Variants in SIK3 observed in about 807,000 individuals in gnomAD.
SIK3 encodes the protein serine/threonine-protein kinase SIK3.
In SIK3, 28 loss-of-function variants were observed where a neutral mutation model predicts 144.2. The observed-to-expected ratio is 0.19, with a 90% CI of 0.14 to 0.27. The LOEUF is 0.27. SIK3 is among the 10% of genes least tolerant of loss of function. The pLI is 1.00. For missense variants in SIK3, 1,319 were observed against 1,776.0 expected (o/e 0.74, Z 4.62); for synonymous variants, 686 against 676.3 (o/e 1.01, Z -0.22).
intron 4 of SIK3, among the ~76,000 whole-genome samples, chr11:116,900,223 C>T (rs1286126008): frequency 6.6e-6 from 1 of 152,164 alleles, no homozygotes; most frequent in Admixed American, 6.5e-5. Context: ...ACCTGTGTTA[C>T]TAGAAACACT....
chr11:116,943,975 C>A (rs977154319), intron 3 of SIK3, among the ~76,000 whole-genome samples: 1 of 151,056 alleles, frequency 6.6e-6, no homozygotes, highest in Non-Finnish European at 1.5e-5. Flanking sequence ...ATCAAAAGAT[C>A]ATTTCAGAAT....
rs1394566313 is a variant in SIK3 at position 116,858,758 on chromosome 11, A to G, written c.2766-59T>C. 2.0e-6 allele frequency: 3 copies of G among 1,510,410 alleles called. No homozygotes were observed. The African/African-American group carries it at 4.2e-5, about 21-fold the overall frequency. 93.6% of individuals were successfully genotyped at this position (1,510,410 alleles called of 1,614,324 possible). A position where few individuals can be genotyped will look rare whatever the true frequency, so the allele number is the denominator to read the frequency against. ...GTAACAAGTACTAGACTTCCTGGGA[A>G]CAGCTCCTCCTCCTCAGTAGGGAGA... On this transcript the variant is annotated intron_variant, in intron 20 of 24. Transcript: ENST00000445177. This position sits in a 1 kb window ranked among gnomAD's most constrained non-coding sequence, Gnocchi z 5.4.
At chr11:117,044,430 T>C (rs2135873415) in intron 1 of SIK3, among the ~76,000 whole-genome samples, 1 of 152,284 alleles carries the variant, frequency 6.6e-6, no homozygotes, top group East Asian at 1.9e-4. Context: ...TAAATTTTAA[T>C]TATGATTCAT....
intron 1 of SIK3, among the ~76,000 whole-genome samples, chr11:117,034,028 A>T (rs1160240539): frequency 6.6e-6 from 1 of 152,236 alleles, no homozygotes; most frequent in African/African-American, 2.4e-5. Context: ...TTTATAAAAC[A>T]GATTTATAAT....
intron 1 of SIK3, among the ~76,000 whole-genome samples, chr11:116,972,436 C>G (rs187533367): frequency 9.4e-4 from 143 of 152,308 alleles, no homozygotes; most frequent in African/African-American, 3.4e-3. Flanking sequence ...AACATATCCC[C>G]GTATTTCACC....
At position 116,858,121 on chromosome 11, in the gene SIK3, G is replaced by A. The variant is rs1170349554; in HGVS notation, c.3344C>T (p.Ala1115Val). ...GGAAGCCTGTGAGACACATTCTTGT[G>A]CCCTGATTTGTAGCAGATGCTGGGG... ...TSPQHLLQIR[A>V]QECVSQASSP... The change falls in exon 21 of 25, where the codon GCA becomes GTA. Residue 1115 changes from alanine to valine, a missense_variant. Ala to Val is a moderately conservative substitution (Grantham distance 64). This residue lies in a region of SIK3 where 646 missense variants were observed against 763.7 expected (regional missense o/e 0.85). Coordinates refer to ENST00000445177, the MANE Select transcript of SIK3 (RefSeq NM_001366686.3). This position sits in a 1 kb window ranked among gnomAD's most constrained non-coding sequence, Gnocchi z 5.4. 1.9e-6 allele frequency: 3 copies of A among 1,614,040 alleles called. No individual in the cohort carries two copies. The highest frequency in any genetic ancestry group is 1.7e-6 in the Non-Finnish European group (2 of 1,180,052).
chr11:116,934,452 T>C (rs1425542653), intron 3 of SIK3, among the ~76,000 whole-genome samples: 1 of 152,248 alleles, frequency 6.6e-6, no homozygotes, highest in Non-Finnish European at 1.5e-5. Flanking sequence ...TGTCTTCATA[T>C]ATCCAAGTCT....
intron 6 of SIK3, among the ~76,000 whole-genome samples, chr11:116,890,607 T>C (rs1402883450): frequency 1.3e-5 from 2 of 152,192 alleles, no homozygotes; most frequent in Non-Finnish European, 2.9e-5. Context: ...ATGAAAGAAG[T>C]AGTTACAATA....
At position 116,859,314 on chromosome 11, in the gene SIK3, G is replaced by C. The variant is rs372660280; in HGVS notation, c.2716C>G (p.His906Asp). The C allele has an allele frequency of 1.7e-5, 27 of 1,613,542 alleles. No individual in the cohort carries two copies. The African/African-American group carries it at 3.5e-4, about 21-fold the overall frequency. ...CTCAGCTGCTTGGACAAGGGACGGT[G>C]CCCATAGCTGAGGGTGGCCATCAGG... is the stretch of plus-strand genomic sequence containing the variant. Reference protein sequence around the residue: ...TNLMATLSYGHRPLSKQLSAD... With the variant: ...TNLMATLSYGDRPLSKQLSAD... Residue 906 changes from histidine to aspartate, a missense_variant, in exon 20 of 25, where the codon CAC becomes GAC. Coordinates refer to ENST00000445177, the MANE Select transcript of SIK3 (RefSeq NM_001366686.3).
intron 3 of SIK3, among the ~76,000 whole-genome samples, chr11:116,945,054 G>T (rs968122360): frequency 6.6e-6 from 1 of 151,932 alleles, no homozygotes; most frequent in Non-Finnish European, 1.5e-5. Context: ...CCGCCTCCCG[G>T]GTTCACAACA....
chr11:117,002,803 C>T (rs535891493), intron 1 of SIK3, among the ~76,000 whole-genome samples: 1 of 152,294 alleles, frequency 6.6e-6, no homozygotes, highest in Non-Finnish European at 1.5e-5. Context: ...ACCAGGTTAG[C>T]ATTATGCAAG....
At chr11:116,861,166 T>C in intron 19 of SIK3, 108 bp downstream of exon 19, 1 of 879,412 alleles carries the variant, frequency 1.1e-6, no homozygotes, top group South Asian at 1.5e-5. Context: ...TACCCCTGAA[T>C]ACTATGTTAT....
intron 6 of SIK3, among the ~76,000 whole-genome samples, chr11:116,882,946 G>A (rs1388655841): frequency 6.6e-6 from 1 of 152,188 alleles, no homozygotes; most frequent in African/African-American, 2.4e-5. Flanking sequence ...TCTGAAACAT[G>A]TTTCTATGGA....
At chr11:116,876,849 C>G in intron 7 of SIK3, 75 bp downstream of exon 7, 1 of 1,220,166 alleles carries the variant, frequency 8.2e-7, no homozygotes, top group South Asian at 1.2e-5. Context: ...AGGTTATGGC[C>G]TGATTACAAT....
intron 1 of SIK3, among the ~76,000 whole-genome samples, chr11:117,074,655 G>T (rs185831437): frequency 6.6e-6 from 1 of 152,260 alleles, no homozygotes; most frequent in African/African-American, 2.4e-5. Flanking sequence ...AGGCGTGGTG[G>T]CTCACGCCTG....
intron 1 of SIK3, among the ~76,000 whole-genome samples, chr11:116,993,436 C>A (rs376913752): frequency 3.9e-5 from 6 of 152,062 alleles, no homozygotes; most frequent in Admixed American, 6.5e-5. Flanking sequence ...AGAAAACCAA[C>A]CTAGAAACAA....
chr11:116,846,470 T>C lies in SIK3; in HGVS notation c.4036A>G (p.Thr1346Ala), dbSNP rs772725586. The C allele has an allele frequency of 2.5e-6, 4 of 1,614,210 alleles. No individual in the cohort carries two copies. The South Asian group carries it at 4.4e-5, about 18-fold the overall frequency. ...CTGAGCAGAATGTCTGTAATACACGTAGATGGATAGCAAGAGGAGTTTAAA... is the reference window on the plus strand; with the variant it reads ...CTGAGCAGAATGTCTGTAATACACGCAGATGGATAGCAAGAGGAGTTTAAA... ...QHLNSSCYPS[T>A]CITDILLSYK... The change falls in exon 24 of 25, where the codon ACG (threonine) becomes GCG (alanine). Residue 1346 changes from threonine to alanine, a missense_variant. By Grantham distance (58) the Thr-to-Ala change is moderately conservative. Transcript: ENST00000445177. This position sits in a 1 kb window ranked among gnomAD's most constrained non-coding sequence, Gnocchi z 4.1.
At chr11:116,987,888 T>C (rs758127551) in intron 1 of SIK3, among the ~76,000 whole-genome samples, 1 of 152,132 alleles carries the variant, frequency 6.6e-6, no homozygotes, top group Non-Finnish European at 1.5e-5. Context: ...AACAAAGCTG[T>C]TTGGTTGTAT....
At chr11:117,045,993 T>C (rs1591602483) in intron 1 of SIK3, among the ~76,000 whole-genome samples, 1 of 152,294 alleles carries the variant, frequency 6.6e-6, no homozygotes, top group South Asian at 2.1e-4. Context: ...AGAATTAGGG[T>C]GTCCTGACTT....
Sources: gnomAD v4.1 joint callset for allele counts (sites outside exome capture counted in the v4.1 genomes callset) on GRCh38, gnomAD v4.1.1 for gene constraint, gnomAD v4.1.1 regional missense constraint, Gnocchi (gnomAD v3.1) non-coding constraint, MANE v1.5 for transcripts, NCBI Gene and HGNC (gene_info 2026-07-23, HGNC 2026-07-21) for gene names.